Variants in MBD1 observed in about 807,000 individuals in gnomAD.
MBD1 encodes the protein methyl-CpG binding domain protein 1, also known as methyl-CpG-binding domain protein 1.
Under a neutral mutation model 82.6 loss-of-function variants are expected in MBD1, and 25 were observed. The observed-to-expected ratio is 0.30, with a 90% confidence interval of 0.22 to 0.42. The LOEUF is 0.42. Among genes scored for constraint, MBD1 ranks in the 10% least tolerant of loss-of-function variants. The pLI is 1.00. For synonymous variants in MBD1, 301 were observed against 303.7 expected, an observed-to-expected ratio of 0.99 and a Z score of 0.09; for missense variants, 627 against 819.6, an observed-to-expected ratio of 0.76 and a Z score of 2.87.
rs539723093 is a variant in MBD1 at position 50,280,862 on chromosome 18, C to G, written c.-26+501G>C. 1.3e-3 allele frequency among the ~76,000 whole-genome samples: 196 copies of G among 152,224 alleles called. 1 individual carries two copies. Among genetic ancestry groups the G allele is most frequent in the African/African-American group, 4.6e-3 (189 of 41,532 alleles). On this transcript the variant is annotated intron_variant, in intron 1 of 16. Coordinates refer to ENST00000269468, the MANE Select transcript of MBD1 (RefSeq NM_015846.4). ...CATCCAGAGAGACCCTAATTTCTCC[C>G]CTCAGCATTCCGAACCCTCCTCCAT...
At chr18:50,280,945 T>A (rs2040007644) in intron 1 of MBD1, among the ~76,000 whole-genome samples, 1 of 152,152 alleles carries the variant, frequency 6.6e-6, no homozygotes, top group Non-Finnish European at 1.5e-5. Context: ...TCTGATCCCC[T>A]ACTGCTCCTC....
rs865892695 is a variant in MBD1, at chr18:50,269,482, C to T, written c.*369G>A. ...GGAAGGTTGGTGCTGGGGCACCAGGCGTTGTTGCAGTTCACACGTTGCCAT... is the reference window on the plus strand; with the variant it reads ...GGAAGGTTGGTGCTGGGGCACCAGGTGTTGTTGCAGTTCACACGTTGCCAT... On this transcript the variant is annotated 3_prime_UTR_variant, in exon 17 of 17. Coordinates refer to ENST00000269468, the MANE Select transcript of MBD1 (RefSeq NM_015846.4). 5.5e-6 allele frequency: 4 copies of T among 724,328 alleles called. No homozygotes were observed. The highest frequency in any genetic ancestry group is 5.4e-5 in the East Asian group (2 of 37,098). The allele number at this position is 724,328 out of a possible 1,614,324, so 44.9% of individuals were successfully genotyped here. A position where few individuals can be genotyped will look rare whatever the true frequency, so the allele number is the denominator to read the frequency against.
chr18:50,275,379 A>T, intron 8 of MBD1, 134 bp from the exon 9 acceptor site: 1 of 1,610,774 alleles, frequency 6.2e-7, no homozygotes, highest in Non-Finnish European at 8.5e-7. Flanking sequence ...CAGTTGGGGG[A>T]GCCACAGCCA....
chr18:50,273,236 T>C (rs913402953), intron 13 of MBD1, 98 bp downstream of exon 13: 1 of 1,499,444 alleles, frequency 6.7e-7, no homozygotes, highest in African/African-American at 1.4e-5. Context: ...AATCAGCACA[T>C]CTATTGCTCT....
intron 16 of MBD1, chr18:50,271,178 T>C (rs2035356638): frequency 8.0e-7 from 1 of 1,248,338 alleles, no homozygotes; most frequent in Non-Finnish European, 1.0e-6. Context: ...GGTTGTTTTG[T>C]GGTGGCTTTA....
Position 50,274,383 on chromosome 18 carries a change from AACTAGG to A in MBD1, c.979-36_979-31del, listed in dbSNP as rs760557191. 1.6e-5 allele frequency: 25 copies of A among 1,605,360 alleles called. No individual in the cohort carries two copies. The African/African-American group carries it at 3.2e-4, about 21-fold the overall frequency. On this transcript the variant is annotated intron_variant, in intron 10 of 16. Transcript: ENST00000269468. ...GGTGGGGGGAATGGGTGGTGCTGTC[AACTAGG>A]ACTAGGAGAGGCCATCCTCAACGCC...
In MBD1 at chr18:50,269,271, T is replaced by C. The variant is rs184341364; in HGVS notation, c.*580A>G. ...TTGCATTTTCAGCCACATAGTTATA[T>C]TGAGTTATCCTCAGGTGAGCAGTGA... On this transcript the variant is annotated 3_prime_UTR_variant, in exon 17 of 17. Transcript: ENST00000269468. 4 of 1,162,926 alleles carry C rather than the reference T, an allele frequency of 3.4e-6. No individual in the cohort carries two copies. In the African/African-American group the frequency reaches 4.8e-5, roughly 14 times the overall value. 72.0% of individuals were successfully genotyped at this position (1,162,926 alleles called of 1,614,324 possible). A position where few individuals can be genotyped will look rare whatever the true frequency, so the allele number is the denominator to read the frequency against.
chr18:50,276,819 G>A lies in MBD1; in HGVS notation c.392+13C>T. On this transcript the variant is annotated intron_variant, in intron 4 of 16. Transcript: ENST00000269468. ...ACCCTCACCCATCTGGCTCACCTTA[G>A]ACCAACACTCACCCAGGAGCAGGGA... The A allele has an allele frequency of 6.2e-7, 1 of 1,614,182 alleles. No homozygotes were observed. The highest frequency in any genetic ancestry group is 8.5e-7 in the Non-Finnish European group (1 of 1,180,040).
chr18:50,274,358 G>C lies in MBD1; in HGVS notation c.979-5C>G, dbSNP rs1183280095. ...CCGGCGGTTCGTGTAGGGCTGCTGG[G>C]GTGGGGGGAATGGGTGGTGCTGTCA... On this transcript the variant is annotated splice_region_variant and splice_polypyrimidine_tract_variant and intron_variant, in intron 10 of 16. Transcript: ENST00000269468. 1 of 1,611,250 alleles carries C rather than the reference G, an allele frequency of 6.2e-7. No individual in the cohort carries two copies. The highest frequency in any genetic ancestry group is 8.5e-7 in the Non-Finnish European group (1 of 1,179,214).
In MBD1 at chr18:50,281,435, T is replaced by G. The variant is rs2040235954; in HGVS notation, c.-98A>C. 3.4e-6 allele frequency: 2 copies of G among 589,990 alleles called. No homozygotes were observed. The allele number at this position is 589,990 out of a possible 1,614,324, so 36.5% of individuals were successfully genotyped here. On this transcript the variant is annotated 5_prime_UTR_variant, in exon 1 of 17. Transcript: ENST00000269468. ...CCATGGCGAGGGTCCCTCCTGCACCTCCCGCCTCGCCCTCCTCCCCTTCCT... is the reference window on the plus strand; with the variant it reads ...CCATGGCGAGGGTCCCTCCTGCACCGCCCGCCTCGCCCTCCTCCCCTTCCT...
At chr18:50,273,909 A>G in intron 11 of MBD1, 46 bp from the exon 12 acceptor site, 4 of 1,602,384 alleles carry the variant, frequency 2.5e-6, no homozygotes, top group East Asian at 2.2e-5. Context: ...GTCCTGACCA[A>G]TCACATCCAC....
chr18:50,273,985 G>A, intron 11 of MBD1, 122 bp from the exon 12 acceptor site: 1 of 1,382,084 alleles, frequency 7.2e-7, no homozygotes, highest in Non-Finnish European at 1.0e-6. Flanking sequence ...TTACATATGA[G>A]CCCTTCATCA....
In MBD1 at chr18:50,281,280, C is replaced by T. The variant is rs1027438886; in HGVS notation, c.-26+83G>A. On this transcript the variant is annotated intron_variant, in intron 1 of 16. Transcript: ENST00000269468. ...CTTATCGGCCTGAGGGCCCTTCATTCCTCCCCGTCAGCGTTCTGAGCCACA... is the reference window on the plus strand; with the variant it reads ...CTTATCGGCCTGAGGGCCCTTCATTTCTCCCCGTCAGCGTTCTGAGCCACA... 3.0e-5 allele frequency: 44 copies of T among 1,461,454 alleles called. No individual in the cohort carries two copies. The African/African-American group carries it at 4.8e-4, about 16-fold the overall frequency. The allele number at this position is 1,461,454 out of a possible 1,614,324, so 90.5% of individuals were successfully genotyped here.
chr18:50,273,706 G>C lies in MBD1; in HGVS notation c.1304C>G (p.Thr435Ser). The C allele has an allele frequency of 1.2e-6, 2 of 1,614,178 alleles. No homozygotes were observed. The highest frequency in any genetic ancestry group is 2.7e-5 in the African/African-American group (2 of 75,082). The change falls in exon 12 of 17, where the codon ACC (threonine) becomes AGC (serine). Residue 435 changes from threonine (T) to serine (S), a missense_variant. Transcript: ENST00000269468. ...LATRTAQPDHTQAPTKQEAGG... is the reference protein window; with the variant it reads ...LATRTAQPDHSQAPTKQEAGG... ...TGCTTCCTGCTTCGTTGGAGCCTGGGTATGGTCTGGTTGGGCTGTGCGTGT... is the reference window on the plus strand; with the variant it reads ...TGCTTCCTGCTTCGTTGGAGCCTGGCTATGGTCTGGTTGGGCTGTGCGTGT...
At chr18:50,280,322 G>A (rs910299109) in intron 1 of MBD1, among the ~76,000 whole-genome samples, 1 of 151,850 alleles carries the variant, frequency 6.6e-6, no homozygotes, top group Admixed American at 6.6e-5. Flanking sequence ...TGCCAATCCA[G>A]AAACTTTTCA....
At position 50,271,478 on chromosome 18, in the gene MBD1, T is replaced by G. The variant is rs775168459; in HGVS notation, c.*23A>C. Reference sequence around the variant, plus strand: ...AGTCTGCAAATATCACCTTGAATCCTACAGTCTGTAGAAGCCTCCAGTCTA... The same window carrying G: ...AGTCTGCAAATATCACCTTGAATCCGACAGTCTGTAGAAGCCTCCAGTCTA... On this transcript the variant is annotated 3_prime_UTR_variant, in exon 16 of 17. Transcript: ENST00000269468. The G allele has an allele frequency of 6.2e-7, 1 of 1,614,202 alleles. No individual in the cohort carries two copies. The highest frequency in any genetic ancestry group is 1.1e-5 in the South Asian group (1 of 91,088).
chr18:50,276,893 C>A lies in MBD1; in HGVS notation c.331G>T (p.Ala111Ser). ...TCAGCCTTGGTCTCATCCCTCGGGGCCTCCTTCCTGACCTCACCACTCTGG... is the reference window on the plus strand; with the variant it reads ...TCAGCCTTGGTCTCATCCCTCGGGGACTCCTTCCTGACCTCACCACTCTGG... Reference protein sequence around the residue: ...GPQSGEVRKEAPRDETKADTD... With the variant: ...GPQSGEVRKESPRDETKADTD... The change falls in exon 4 of 17, where the codon GCC becomes TCC. Residue 111 changes from alanine to serine, a missense_variant. Physicochemically the swap from Ala to Ser is moderately conservative, Grantham distance 99. Around this residue, in one of 6 missense-constraint regions of MBD1, gnomAD observed 75 missense variants for 74.7 expected, o/e 1.00. Transcript: ENST00000269468. 4 of 1,614,260 alleles carry A rather than the reference C, an allele frequency of 2.5e-6. No homozygotes were observed. The highest frequency in any genetic ancestry group is 3.4e-6 in the Non-Finnish European group (4 of 1,180,056).
rs765043275 is a variant in MBD1 at position 50,276,364 on chromosome 18, C to T, written c.516+14G>A. The T allele has an allele frequency of 6.2e-7, 1 of 1,613,376 alleles. No individual in the cohort carries two copies. Among genetic ancestry groups the T allele is most frequent in the South Asian group, 1.1e-5 (1 of 90,976 alleles). On this transcript the variant is annotated intron_variant, in intron 6 of 16. Coordinates refer to ENST00000269468, the MANE Select transcript of MBD1 (RefSeq NM_015846.4). ...CCACTGCAGAGTTGTGAAGAGGAAG[C>T]AGGTTGTGCTTACCTTAAACATTCT...
chr18:50,272,779 G>T, intron 14 of MBD1, 41 bp from the exon 15 acceptor site: 2 of 1,614,218 alleles, frequency 1.2e-6, no homozygotes, highest in Non-Finnish European at 1.7e-6. Flanking sequence ...TGGTTGTTGG[G>T]GCTACAGCAG....
Sources: gnomAD v4.1 joint callset for allele counts (sites outside exome capture counted in the v4.1 genomes callset) on GRCh38, gnomAD v4.1.1 for gene constraint, gnomAD v4.1.1 regional missense constraint, MANE v1.5 for transcripts, NCBI Gene and HGNC (gene_info 2026-07-23, HGNC 2026-07-21) for gene names.